Variants in PPIL2 observed in about 807,000 individuals in gnomAD.
The protein encoded by PPIL2 is RING-type E3 ubiquitin-protein ligase PPIL2.
A neutral mutation model predicts 75.2 loss-of-function variants in PPIL2; 50 were observed. The ratio of observed to expected loss-of-function variants is 0.66; its 90% CI spans 0.53 to 0.84. The LOEUF is 0.84. PPIL2 is among the 40% of genes least tolerant of loss of function. PPIL2 has a pLI of 0.00. For missense variants in PPIL2, 590 were observed against 685.0 expected (o/e 0.86, Z 1.55); for synonymous variants, 245 against 258.8 (o/e 0.95, Z 0.51).
rs183384185 is a variant in PPIL2 at position 21,692,445 on chromosome 22, T to C, written c.1140-1371T>C. 7.9e-3 allele frequency among the ~76,000 whole-genome samples: 1,204 copies of C among 151,658 alleles called. 10 individuals are homozygous for C. The highest frequency in any genetic ancestry group is 0.027 in the East Asian group (137 of 5,054). ...CTGGGATTACAGGCGTGAGCCACTG[T>C]GCCTGGCCAATCCTGACAATCTTAA... On this transcript the variant is annotated intron_variant, in intron 15 of 19. Coordinates refer to ENST00000398831, the MANE Select transcript of PPIL2 (RefSeq NM_014337.4).
At chr22:21,693,737 G>A (rs1330399244) in intron 15 of PPIL2, 79 bp from the exon 16 acceptor site, 4 of 1,392,462 alleles carry the variant, frequency 2.9e-6, no homozygotes, top group Admixed American at 1.7e-5. Flanking sequence ...TAGAGGGTGG[G>A]CAGCTCCTGG....
intron 10 of PPIL2, chr22:21,685,676 G>C: frequency 2.2e-6 from 1 of 452,886 alleles, no homozygotes; most frequent in South Asian, 1.6e-5. Context: ...TGAATTCCTG[G>C]CTTCAAGTGA....
Position 21,694,970 on chromosome 22 carries a change from G to T in PPIL2, c.1366G>T (p.Ala456Ser). Residue 456 changes from alanine to serine, a missense_variant, in exon 19 of 20, where the codon GCC (alanine) becomes TCC (serine). Physicochemically the swap from Ala to Ser is moderately conservative, Grantham distance 99. Transcript: ENST00000398831. ...GGAGCGGAAGACACAGCTCAAGGTA[G>T]CCCCGGAGACCAAAGTGAAGAGCAG... The part of the protein sequence containing the change: ...AQERKTQLKV[A>S]PETKVKSSQP... 2 of 1,613,876 alleles carry T rather than the reference G, an allele frequency of 1.2e-6. No homozygotes were observed. The highest frequency in any genetic ancestry group is 1.7e-6 in the Non-Finnish European group (2 of 1,180,018).
rs542468601 is a variant in PPIL2, at chr22:21,689,942, C to T, written c.1139+1093C>T. Among the ~76,000 whole-genome samples the T allele has an allele frequency of 9.8e-4, 149 of 152,268 alleles. 6 individuals are homozygous for T. In the South Asian group the frequency reaches 0.03, roughly 30 times the overall value. ...CATTCTGGGGTGAACCCTGGCCTGT[C>T]GTGGCTTCGCCGTGGCCTTCTGCCA... On this transcript the variant is annotated intron_variant, in intron 15 of 19. Transcript: ENST00000398831.
Position 21,694,799 on chromosome 22 carries a change from TGAG to T in PPIL2, c.1319_1321del (p.Glu440del), listed in dbSNP as rs1217055035. 6.2e-7 allele frequency: 1 copy of T among 1,604,298 alleles called. No individual in the cohort carries two copies. The highest frequency in any genetic ancestry group is 8.5e-7 in the Non-Finnish European group (1 of 1,173,590). The stretch of plus-strand genomic sequence containing the variant: ...CCACTACAGTGTTCGTGGACCCCTA[TGAG>T]GAGGCCGATGCCCAGGTGAGGGGGC... On this transcript the variant is annotated inframe_deletion, in exon 18 of 20. Coordinates refer to ENST00000398831, the MANE Select transcript of PPIL2 (RefSeq NM_014337.4).
downstream of PPIL2, chr22:21,698,076 A>AAAT (rs1442508410): frequency 1.3e-5 from 2 of 152,290 alleles, no homozygotes; most frequent in African/African-American, 4.8e-5. Flanking sequence ...GATTTATTTT[A>AAAT]AATAACTTAA....
rs1047972042 is a variant in PPIL2 at position 21,684,079 on chromosome 22, C to T, written c.554-674C>T. 2.5e-4 allele frequency among the ~76,000 whole-genome samples: 38 copies of T among 151,906 alleles called. 1 individual carries two copies. Among genetic ancestry groups the T allele is most frequent in the African/African-American group, 4.8e-4 (20 of 41,414 alleles). ...AAAAATTAGCTGGGTGTAGTTGGTG[C>T]GCCTGTAGCCCCAGCTACTTGGGGG... On this transcript the variant is annotated intron_variant, in intron 9 of 19. Transcript: ENST00000398831.
intron 15 of PPIL2, among the ~76,000 whole-genome samples, chr22:21,692,304 CG>C: frequency 6.6e-6 from 1 of 151,920 alleles, no homozygotes; most frequent in East Asian, 2.0e-4. Context: ...TACAGGCGCC[CG>C]CCACACGCCT....
rs538534927 is a variant in PPIL2, at chr22:21,672,188, A to G, written c.192-142A>G. ...ATATCCCCCAACTTCCTGAGACAAG[A>G]TGAGGAGCTCTTCCTCTCCTAAAGT... On this transcript the variant is annotated intron_variant, in intron 4 of 19. Coordinates refer to ENST00000398831, the MANE Select transcript of PPIL2 (RefSeq NM_014337.4). The G allele has an allele frequency of 1.8e-5, 12 of 655,508 alleles. No individual in the cohort carries two copies. The East Asian group carries it at 3.0e-4, about 16-fold the overall frequency. The allele number at this position is 655,508 out of a possible 1,614,324, so 40.6% of individuals were successfully genotyped here.
At position 21,695,751 on chromosome 22, in the gene PPIL2, C is replaced by T. The variant is rs184289751; in HGVS notation, c.*261C>T. On this transcript the variant is annotated 3_prime_UTR_variant, in exon 20 of 20. Coordinates refer to ENST00000398831, the MANE Select transcript of PPIL2 (RefSeq NM_014337.4). ...ACCTTCAAGCACAAGGCCTGCCCTA[C>T]ACCCAGGCTGGTGCCTCAGGCCTCC... The T allele has an allele frequency of 3.9e-4, 511 of 1,302,970 alleles. 6 individuals are homozygous for T. The South Asian group carries it at 6.6e-3, about 17-fold the overall frequency. The allele number at this position is 1,302,970 out of a possible 1,614,324, so 80.7% of individuals were successfully genotyped here.
downstream of PPIL2, chr22:21,699,863 G>C (rs1353997221): frequency 2.6e-5 from 4 of 152,590 alleles, no homozygotes; most frequent in Admixed American, 2.6e-4. Flanking sequence ...TGTCACTGCT[G>C]AGGGCACAAC....
chr22:21,673,070 G>T (rs2066698297), intron 5 of PPIL2, among the ~76,000 whole-genome samples: 1 of 152,236 alleles, frequency 6.6e-6, no homozygotes, highest in Admixed American at 6.5e-5. Context: ...AGTACAAGGG[G>T]AACTTGGCCA....
chr22:21,699,591 A>G (rs3747094), downstream of PPIL2: 50,568 of 152,308 alleles, frequency 0.33, 8,633 homozygotes, highest in Non-Finnish European at 0.38. Flanking sequence ...AGGGACGGGC[A>G]ACGCGTCTAG....
chr22:21,672,234 G>A (rs1021256599), intron 4 of PPIL2, 96 bp from the exon 5 acceptor site: 1 of 1,039,166 alleles, frequency 9.6e-7, no homozygotes, highest in South Asian at 1.3e-5. Context: ...CCCTTCACAG[G>A]CCTCTAACCT....
intron 9 of PPIL2, among the ~76,000 whole-genome samples, chr22:21,683,666 G>A (rs2067224701): frequency 6.6e-6 from 1 of 152,212 alleles, no homozygotes; most frequent in African/African-American, 2.4e-5. Flanking sequence ...TGTTTGAACG[G>A]GTTTTAGGTA....
At chr22:21,691,013 G>A (rs577195371) in intron 15 of PPIL2, among the ~76,000 whole-genome samples, 1 of 136,576 alleles carries the variant, frequency 7.3e-6, no homozygotes, top group Non-Finnish European at 1.5e-5. Flanking sequence ...CACCCAGGCC[G>A]GAGTGCAATG....
chr22:21,686,273 A>AG (rs746368702), intron 10 of PPIL2, among the ~76,000 whole-genome samples: 2 of 152,214 alleles, frequency 1.3e-5, no homozygotes, highest in Non-Finnish European at 2.9e-5. Context: ...ATATCATAAG[A>AG]GTCGGGATCC....
chr22:21,697,177 C>G lies in PPIL2; in HGVS notation c.*1687C>G, dbSNP rs1212568983. 1.6e-6 allele frequency: 1 copy of G among 631,560 alleles called. No individual in the cohort carries two copies. The highest frequency in any genetic ancestry group is 2.7e-6 in the Non-Finnish European group (1 of 367,290). 39.1% of individuals were successfully genotyped at this position (631,560 alleles called of 1,614,324 possible). On this transcript the variant is annotated 3_prime_UTR_variant, in exon 20 of 20. Coordinates refer to ENST00000398831, the MANE Select transcript of PPIL2 (RefSeq NM_014337.4). ...AGGCTCAGACACCAAGCTGGGCCTG[C>G]AGAGGAGGGGCACAGTAGGACACAG...
chr22:21,694,176 C>T (rs957743270), intron 16 of PPIL2, among the ~76,000 whole-genome samples: 4 of 152,218 alleles, frequency 2.6e-5, no homozygotes, highest in Admixed American at 6.5e-5. Flanking sequence ...TCCCTTCACC[C>T]TCTAGTCCAG....
Sources: gnomAD v4.1 joint callset for allele counts (sites outside exome capture counted in the v4.1 genomes callset) on GRCh38, gnomAD v4.1.1 for gene constraint, MANE v1.5 for transcripts, NCBI Gene and HGNC (gene_info 2026-07-23, HGNC 2026-07-21) for gene names.